ZNF536: variants seen among roughly 807,000 people sequenced by gnomAD.
The protein encoded by ZNF536 is zinc finger protein 536.
ZNF536 carries 13 observed loss-of-function variants against 84.5 expected under a neutral mutation model. The observed-to-expected ratio is 0.15, with a 90% confidence interval of 0.10 to 0.24. ZNF536 has a LOEUF of 0.24. Ranked by LOEUF, ZNF536 falls within the 10% of genes least tolerant of loss-of-function variation. ZNF536 has a pLI of 1.00. For synonymous variants in ZNF536, 811 were observed against 742.5 expected (o/e 1.09, Z -1.50); for missense variants, 1,536 against 1,747.5 (o/e 0.88, Z 2.16).
chr19:30,527,117 C>A (rs1421740955), intron 2 of ZNF536, among the ~76,000 whole-genome samples: 1 of 151,270 alleles, frequency 6.6e-6, no homozygotes, highest in Non-Finnish European at 1.5e-5. Flanking sequence ...TGGGGTTTCA[C>A]CATATTGGCC....
intron 1 of ZNF536, among the ~76,000 whole-genome samples, chr19:30,392,261 C>T (rs2049624186): frequency 6.6e-6 from 1 of 152,136 alleles, no homozygotes; most frequent in Admixed American, 6.5e-5. Flanking sequence ...AGTAGGAAAC[C>T]ACAGATCCCC....
At chr19:30,579,755 G>A (rs73539142) in intron 1 of ZNF536, among the ~76,000 whole-genome samples, 2 of 152,250 alleles carry the variant, frequency 1.3e-5, no homozygotes, top group South Asian at 2.1e-4. Context: ...CAGTGGTGTG[G>A]CAGGGTGAAT....
chr19:30,593,420 T>G (rs1280279638), intron 1 of ZNF536, among the ~76,000 whole-genome samples: 1 of 152,134 alleles, frequency 6.6e-6, no homozygotes, highest in Non-Finnish European at 1.5e-5. Flanking sequence ...TCTCCAAACC[T>G]TCTGGCTAGC....
chr19:30,693,773 A>T lies in ZNF536; in HGVS notation c.170-16984A>T, dbSNP rs540942481. On this transcript the variant is annotated intron_variant, in intron 1 of 1. Coordinates refer to the ZNF536 transcript ENST00000592773. ...TGTTGAATTGGGCATGATAAAAAGT[A>T]GCTATTTTAAATATATCCAGTGTGC... Among the ~76,000 whole-genome samples the T allele has an allele frequency of 2.0e-5, 3 of 152,324 alleles. No homozygotes were observed. The South Asian group carries it at 6.2e-4, about 32-fold the overall frequency.
intron 2 of ZNF536, among the ~76,000 whole-genome samples, chr19:30,314,162 G>A (rs2046600711): frequency 1.3e-5 from 2 of 152,182 alleles, no homozygotes; most frequent in South Asian, 4.1e-4. Flanking sequence ...CTCACCTGCT[G>A]TGCAGAGAAC....
chr19:30,270,491 C>T (rs1462844319), intron 1 of ZNF536, among the ~76,000 whole-genome samples: 2 of 152,196 alleles, frequency 1.3e-5, no homozygotes, highest in Non-Finnish European at 2.9e-5. Context: ...TAAATAGACA[C>T]TGCCTGTCAA....
chr19:30,405,210 G>A (rs2050215192), intron 1 of ZNF536, among the ~76,000 whole-genome samples: 3 of 152,158 alleles, frequency 2.0e-5, no homozygotes, highest in South Asian at 4.1e-4. Flanking sequence ...CCCTCTTTGG[G>A]GAGGGTCTTA....
rs566347971 is a variant in ZNF536 at position 30,608,889 on chromosome 19, C to A, written c.169+59375C>A. 2.6e-5 allele frequency among the ~76,000 whole-genome samples: 4 copies of A among 152,296 alleles called. No homozygotes were observed. In the South Asian group the frequency reaches 8.3e-4, roughly 32 times the overall value. The stretch of plus-strand genomic sequence containing the variant: ...TCAGAATGTTGCCTTGGAGCTTGGA[C>A]CAGATTAAAACTCTAGTGCAGTCCC... On this transcript the variant is annotated intron_variant, in intron 1 of 1. Coordinates refer to the ZNF536 transcript ENST00000592773.
chr19:30,460,731 G>A (rs980186781), intron 2 of ZNF536, among the ~76,000 whole-genome samples: 10 of 152,210 alleles, frequency 6.6e-5, no homozygotes, highest in African/African-American at 2.2e-4. Flanking sequence ...CACCCAAGAG[G>A]AAGGGAAGGT....
At chr19:30,704,647 CAAAAAAAAAAA>C (rs970475752) in intron 1 of ZNF536, among the ~76,000 whole-genome samples, 2 of 53,472 alleles carry the variant, frequency 3.7e-5, no homozygotes, top group Non-Finnish European at 7.0e-5. Flanking sequence ...GAGTCCATCT[CAAAAAAAAAAA>C]AAAAAAAAAA....
At chr19:30,667,392 C>T (rs1370618495) in intron 1 of ZNF536, among the ~76,000 whole-genome samples, 3 of 152,072 alleles carry the variant, frequency 2.0e-5, no homozygotes, top group Admixed American at 2.0e-4. Context: ...GGAGGGGGCA[C>T]CTGCACCCTC....
At chr19:30,361,978 C>T (rs1178704934) in intron 3 of ZNF536, among the ~76,000 whole-genome samples, 1 of 152,134 alleles carries the variant, frequency 6.6e-6, no homozygotes, top group Non-Finnish European at 1.5e-5. Context: ...TAGACACCAC[C>T]AACTAAAAAA....
Position 30,577,356 on chromosome 19 carries a change from C to T in ZNF536, c.169+27842C>T, listed in dbSNP as rs146771049. On this transcript the variant is annotated intron_variant, in intron 1 of 1. Coordinates refer to the ZNF536 transcript ENST00000592773. ...GAAATAGTGACACAACTTCAGCCAG[C>T]CTGGTGTTCTTGGGGGTTGGGGTAA... Among the ~76,000 whole-genome samples the T allele has an allele frequency of 6.6e-4, 100 of 152,072 alleles. 2 individuals are homozygous for T. The highest frequency in any genetic ancestry group is 2.4e-3 in the African/African-American group (99 of 41,478).
At chr19:30,667,658 G>T (rs2050386418) in intron 1 of ZNF536, among the ~76,000 whole-genome samples, 1 of 134,438 alleles carries the variant, frequency 7.4e-6, no homozygotes. Context: ...GAGAAGTGAG[G>T]TAATCTCACC....
At chr19:30,566,406 G>GCCACA (rs1293338409) in intron 1 of ZNF536, among the ~76,000 whole-genome samples, 1 of 152,200 alleles carries the variant, frequency 6.6e-6, no homozygotes, top group African/African-American at 2.4e-5. Context: ...CTTCCTCTGT[G>GCCACA]GCAAGTCCTG....
chr19:30,650,790 TAAATG>T (rs2049672815), intron 1 of ZNF536, among the ~76,000 whole-genome samples: 1 of 152,196 alleles, frequency 6.6e-6, no homozygotes, highest in African/African-American at 2.4e-5. Context: ...GAAATCATGT[TAAATG>T]AAATGGCAAA....
rs910632164 is a variant in ZNF536, at chr19:30,445,750, C to G, written c.2170+18C>G. ...CTCCTCAGGTAGGTTAGCTGAGAAG[C>G]GGGGAGAAGCAGCTTGTACAGCAGC... is the stretch of plus-strand genomic sequence containing the variant. On this transcript the variant is annotated intron_variant, in intron 2 of 4. Transcript: ENST00000355537. The surrounding 1 kb of genome is among the most constrained non-coding windows in gnomAD (Gnocchi z 4.5). 1.3e-6 allele frequency: 2 copies of G among 1,531,932 alleles called. No homozygotes were observed. Among genetic ancestry groups the G allele is most frequent in the East Asian group, 2.3e-5 (1 of 44,136 alleles). 94.9% of individuals were successfully genotyped at this position (1,531,932 alleles called of 1,614,324 possible).
At chr19:30,402,089 A>C (rs1279120284) in intron 1 of ZNF536, among the ~76,000 whole-genome samples, 1 of 152,256 alleles carries the variant, frequency 6.6e-6, no homozygotes, top group African/African-American at 2.4e-5. Flanking sequence ...AGCCTCAGCT[A>C]TGATTTTTCT....
At chr19:30,664,244 C>T (rs1315283480) in intron 1 of ZNF536, among the ~76,000 whole-genome samples, 1 of 150,228 alleles carries the variant, frequency 6.7e-6, no homozygotes, top group Non-Finnish European at 1.5e-5. Context: ...CTCTCTCTCT[C>T]TCTCTCTCTC....
Sources: gnomAD v4.1 joint callset for allele counts (sites outside exome capture counted in the v4.1 genomes callset) on GRCh38, gnomAD v4.1.1 for gene constraint, Gnocchi (gnomAD v3.1) non-coding constraint, MANE v1.5 for transcripts, NCBI Gene and HGNC (gene_info 2026-07-23, HGNC 2026-07-21) for gene names.